Variants in SLIT2 observed in about 807,000 individuals in gnomAD.
The protein encoded by SLIT2 is slit guidance ligand 2.
In SLIT2, 41 loss-of-function variants were observed where a neutral mutation model predicts 185.7. The ratio of observed to expected loss-of-function variants is 0.22; its 90% CI spans 0.17 to 0.29. The LOEUF (loss-of-function observed/expected upper bound fraction) is 0.29. Among genes scored for constraint, SLIT2 ranks in the 10% least tolerant of loss-of-function variants. The pLI, the probability that SLIT2 is intolerant of heterozygous loss-of-function variation, is 1.00. For synonymous variants in SLIT2, 693 were observed against 680.2 expected, an observed-to-expected ratio of 1.02 and a Z score of -0.29; for missense variants, 1,571 against 1,909.0, an observed-to-expected ratio of 0.82 and a Z score of 3.30.
At chr4:20,371,969 A>G (rs913758153) in intron 4 of SLIT2, among the ~76,000 whole-genome samples, 12 of 152,112 alleles carry the variant, frequency 7.9e-5, no homozygotes, top group African/African-American at 2.9e-4. Context: ...TTTTAGGACT[A>G]TTCTGTGCAA....
chr4:20,580,067 A>T (rs201557611), intron 29 of SLIT2, among the ~76,000 whole-genome samples: 10 of 33,176 alleles, frequency 3.0e-4, no homozygotes, highest in South Asian at 2.2e-3. Flanking sequence ...TGTATATATT[A>T]TATATATATA....
chr4:20,337,783 A>T (rs1720629929), intron 4 of SLIT2, among the ~76,000 whole-genome samples: 1 of 152,152 alleles, frequency 6.6e-6, no homozygotes, highest in South Asian at 2.1e-4. Flanking sequence ...CATGTAGCAG[A>T]TGGCTTCTAT....
intron 36 of SLIT2, among the ~76,000 whole-genome samples, chr4:20,618,138 G>A (rs1043933638): frequency 6.6e-6 from 1 of 152,180 alleles, no homozygotes; most frequent in African/African-American, 2.4e-5. Flanking sequence ...ATGTGGGTGA[G>A]AGGAACGGAA....
intron 23 of SLIT2, 127 bp downstream of exon 23, chr4:20,548,686 A>G: frequency 1.5e-6 from 1 of 656,712 alleles, no homozygotes; most frequent in Non-Finnish European, 2.7e-6. Flanking sequence ...TGGGAGAAAC[A>G]GACAAAACCA....
At chr4:20,495,276 T>C (rs144406350) in intron 9 of SLIT2, among the ~76,000 whole-genome samples, 42 of 152,296 alleles carry the variant, frequency 2.8e-4, no homozygotes, top group African/African-American at 1.0e-3. Context: ...AATTCTAAGA[T>C]GCAGAAACCT....
intron 4 of SLIT2, among the ~76,000 whole-genome samples, chr4:20,269,996 T>G (rs1713436065): frequency 2.0e-5 from 3 of 151,986 alleles, no homozygotes; most frequent in African/African-American, 7.2e-5. Flanking sequence ...TAAGGATAGC[T>G]AAAATCACCT....
chr4:20,547,720 TA>T lies in SLIT2; in HGVS notation c.2346-767del, dbSNP rs1384803610. Among the ~76,000 whole-genome samples, 5 of 150,342 alleles carry T rather than the reference TA, an allele frequency of 3.3e-5. No individual in the cohort carries two copies. The East Asian group carries it at 5.8e-4, about 18-fold the overall frequency. ...TACATATTGTATATATATTTTAATA[TA>T]TTTTTTACATATATAGTGTGTGTAT... On this transcript the variant is annotated intron_variant, in intron 22 of 36. Coordinates refer to ENST00000504154, the MANE Select transcript of SLIT2 (RefSeq NM_004787.4).
intron 4 of SLIT2, among the ~76,000 whole-genome samples, chr4:20,413,104 G>A (rs965380410): frequency 6.6e-6 from 1 of 152,046 alleles, no homozygotes; most frequent in Non-Finnish European, 1.5e-5. Flanking sequence ...TCATGAAAAT[G>A]AATGTTTTCC....
intron 2 of SLIT2, 35 bp downstream of exon 2, chr4:20,256,778 TA>T: frequency 9.4e-7 from 1 of 1,062,824 alleles, no homozygotes; most frequent in Non-Finnish European, 1.4e-6. Flanking sequence ...AATAATTTTT[TA>T]AGGTTGCATA....
chr4:20,483,073 G>A (rs16867623), intron 6 of SLIT2, among the ~76,000 whole-genome samples: 28,688 of 151,802 alleles, frequency 0.19, 3,136 homozygotes, highest in Non-Finnish European at 0.24. Context: ...GACTCTTTAG[G>A]ATGTACTGTC....
intron 4 of SLIT2, among the ~76,000 whole-genome samples, chr4:20,310,892 A>G (rs1397354976): frequency 6.6e-6 from 1 of 152,090 alleles, no homozygotes; most frequent in Non-Finnish European, 1.5e-5. Flanking sequence ...TAGTTAATTA[A>G]TTTATTTTCA....
intron 4 of SLIT2, among the ~76,000 whole-genome samples, chr4:20,427,724 C>G (rs1222325339): frequency 6.7e-6 from 1 of 148,476 alleles, no homozygotes; most frequent in Non-Finnish European, 1.5e-5. Flanking sequence ...TCACTACTGT[C>G]AATAGTCTTC....
chr4:20,410,223 T>G (rs1727111933), intron 4 of SLIT2, among the ~76,000 whole-genome samples: 2 of 150,038 alleles, frequency 1.3e-5, no homozygotes, highest in Non-Finnish European at 3.0e-5. Context: ...AGTCTTGGTT[T>G]TTTTTCTTTT....
chr4:20,354,813 A>G (rs1481262716), intron 4 of SLIT2, among the ~76,000 whole-genome samples: 1 of 151,884 alleles, frequency 6.6e-6, no homozygotes, highest in African/African-American at 2.4e-5. Context: ...ATATGATAAC[A>G]GAATTAATAC....
intron 11 of SLIT2, among the ~76,000 whole-genome samples, chr4:20,515,958 G>A (rs150583817): frequency 0.03 from 4,533 of 152,194 alleles, 241 homozygotes; most frequent in African/African-American, 0.1. Context: ...TGGGATTACA[G>A]GCGCCTGCTA....
rs1188942281 is a variant in SLIT2 at position 20,567,498 on chromosome 4, A to G, written c.2851-20A>G. ...GCCAAGAACTACTTCACTCGACTAT[A>G]CTTGCCCCTTCTTCTCCAGGGGCAG... On this transcript the variant is annotated intron_variant, in intron 27 of 36. Coordinates refer to ENST00000504154, the MANE Select transcript of SLIT2 (RefSeq NM_004787.4). The G allele has an allele frequency of 1.2e-6, 2 of 1,610,024 alleles. No individual in the cohort carries two copies. Among genetic ancestry groups the G allele is most frequent in the African/African-American group, 2.7e-5 (2 of 74,770 alleles).
intron 9 of SLIT2, among the ~76,000 whole-genome samples, chr4:20,499,762 A>G (rs1430045540): frequency 1.3e-5 from 2 of 152,190 alleles, no homozygotes; most frequent in Non-Finnish European, 2.9e-5. Flanking sequence ...TGCTGGGATT[A>G]CAGGGACATC....
intron 4 of SLIT2, among the ~76,000 whole-genome samples, chr4:20,302,685 A>G (rs534385159): frequency 2.0e-5 from 3 of 152,304 alleles, no homozygotes; most frequent in African/African-American, 7.2e-5. Context: ...AGAGGAAATG[A>G]CTGTGCAATC....
intron 33 of SLIT2, 79 bp downstream of exon 33, chr4:20,598,474 G>A: frequency 6.6e-7 from 1 of 1,520,834 alleles, no homozygotes; most frequent in Non-Finnish European, 9.1e-7. Context: ...ATTTTATTAT[G>A]GAGAGGAGAG....
Sources: allele counts gnomAD v4.1 joint callset (sites outside exome capture counted in the v4.1 genomes callset), GRCh38; gene constraint gnomAD v4.1.1; transcripts MANE v1.5; gene names NCBI Gene and HGNC (gene_info 2026-07-23, HGNC 2026-07-21).